Variants in MACROD2 observed in about 807,000 individuals in gnomAD.
MACROD2 encodes ADP-ribose glycohydrolase MACROD2.
MACROD2 carries 36 observed loss-of-function variants against 70.4 expected under a neutral mutation model. That is an observed-to-expected ratio of 0.51 (90% CI 0.39 to 0.68). The LOEUF is 0.68. MACROD2 is among the 30% of genes least tolerant of loss of function. MACROD2 has a pLI of 0.00. For synonymous variants in MACROD2, 172 were observed against 178.8 expected, an observed-to-expected ratio of 0.96 and a Z score of 0.30; for missense variants, 496 against 538.4, an observed-to-expected ratio of 0.92 and a Z score of 0.78.
intron 5 of MACROD2, among the ~76,000 whole-genome samples, chr20:15,162,226 A>T (rs1383685134): frequency 1.3e-5 from 2 of 152,020 alleles, no homozygotes; most frequent in Non-Finnish European, 2.9e-5. Flanking sequence ...ATTGTTTTTT[A>T]AAAAGGACTA....
intron 5 of MACROD2, among the ~76,000 whole-genome samples, chr20:14,933,544 C>T (rs1281015701): frequency 2.6e-5 from 4 of 151,650 alleles, no homozygotes; most frequent in East Asian, 1.9e-4. Context: ...ATGGGAAGAT[C>T]GCTTGAGGCC....
chr20:14,801,286 T>C (rs2072572541), intron 5 of MACROD2, among the ~76,000 whole-genome samples: 1 of 152,102 alleles, frequency 6.6e-6, no homozygotes, highest in South Asian at 2.1e-4. Context: ...ACAGAAAAGC[T>C]ACTCTGTGTC....
chr20:15,504,159 G>T (rs1222260542), intron 8 of MACROD2, among the ~76,000 whole-genome samples: 1 of 152,062 alleles, frequency 6.6e-6, no homozygotes, highest in East Asian at 1.9e-4. Flanking sequence ...ACCCAGAGAG[G>T]TCTGACTAGA....
At chr20:15,550,174 A>G (rs1159301931) in intron 8 of MACROD2, among the ~76,000 whole-genome samples, 1 of 151,670 alleles carries the variant, frequency 6.6e-6, no homozygotes, top group East Asian at 1.9e-4. Flanking sequence ...AAGTTTCTCC[A>G]TCTATTTTGG....
At chr20:15,385,800 A>C (rs550144992) in intron 6 of MACROD2, among the ~76,000 whole-genome samples, 2 of 152,292 alleles carry the variant, frequency 1.3e-5, no homozygotes, top group African/African-American at 4.8e-5. Flanking sequence ...GAATCTATTT[A>C]ATCCTAAAAT....
intron 8 of MACROD2, among the ~76,000 whole-genome samples, chr20:15,717,628 G>A (rs1029800080): frequency 3.9e-5 from 6 of 152,188 alleles, no homozygotes; most frequent in African/African-American, 1.4e-4. Context: ...AGGAGTGCCT[G>A]CCAGGAAGAA....
chr20:15,792,925 G>T (rs750958066), intron 8 of MACROD2, among the ~76,000 whole-genome samples: 1 of 152,100 alleles, frequency 6.6e-6, no homozygotes, highest in African/African-American at 2.4e-5. Context: ...AACGGACCTG[G>T]CTGAACCATT....
rs1408581180 is a variant in MACROD2 at position 14,468,368 on chromosome 20, CCTT to C, written c.272-25107_272-25105del. On this transcript the variant is annotated intron_variant, in intron 3 of 17. Transcript: ENST00000684519. Reference sequence around the variant, plus strand: ...TGATTCCTTTACCATTATGTAATGCCCTTCTTTTTATTTTCTGATCTTTCTTCG... The same window carrying C: ...TGATTCCTTTACCATTATGTAATGCCCTTTTTATTTTCTGATCTTTCTTCG... Among the ~76,000 whole-genome samples the C allele has an allele frequency of 6.6e-5, 10 of 150,772 alleles. No homozygotes were observed. In the East Asian group the frequency reaches 1.9e-3, roughly 29 times the overall value.
chr20:14,070,106 G>C (rs2053818278), intron 2 of MACROD2, among the ~76,000 whole-genome samples: 1 of 152,086 alleles, frequency 6.6e-6, no homozygotes, highest in African/African-American at 2.4e-5. Context: ...AAAGGATGTT[G>C]TTTTAAGCCA....
In MACROD2 at chr20:14,348,274, A is replaced by AT. The variant is rs200603330; in HGVS notation, c.272-145205_272-145204insT. 8.5e-4 allele frequency among the ~76,000 whole-genome samples: 115 copies of AT among 135,832 alleles called. 1 individual carries two copies. The highest frequency in any genetic ancestry group is 3.0e-3 in the African/African-American group (106 of 35,676). The allele number at this position is 135,832 out of a possible 152,430, so 89.1% of individuals were successfully genotyped here. On this transcript the variant is annotated intron_variant, in intron 3 of 17. Coordinates refer to ENST00000684519, the MANE Select transcript of MACROD2 (RefSeq NM_001351661.2). Reference sequence around the variant, plus strand: ...TCAGAGCAAGACTCCGTCTCAAAAAAAAAAAAATAAATAAAATAAAGAAAG... The same window carrying AT: ...TCAGAGCAAGACTCCGTCTCAAAAAATAAAAAAATAAATAAAATAAAGAAAG...
intron 5 of MACROD2, among the ~76,000 whole-genome samples, chr20:15,160,288 A>G (rs188288604): frequency 1.6e-4 from 25 of 152,174 alleles, no homozygotes; most frequent in Admixed American, 1.4e-3. Flanking sequence ...TGTAAGAGAG[A>G]TTCTGGAACA....
At chr20:15,747,374 C>G (rs1465472048) in intron 8 of MACROD2, among the ~76,000 whole-genome samples, 1 of 152,096 alleles carries the variant, frequency 6.6e-6, no homozygotes, top group African/African-American at 2.4e-5. Context: ...TGAGGCCTCT[C>G]AGGTAAACGT....
chr20:15,643,203 G>A (rs189992893), intron 8 of MACROD2, among the ~76,000 whole-genome samples: 1 of 152,250 alleles, frequency 6.6e-6, no homozygotes, highest in East Asian at 1.9e-4. Flanking sequence ...CTGCTTACAT[G>A]TTAATCTCAC....
At chr20:15,161,375 A>G (rs943683023) in intron 5 of MACROD2, among the ~76,000 whole-genome samples, 6 of 149,720 alleles carry the variant, frequency 4.0e-5, no homozygotes, top group Admixed American at 2.0e-4. Context: ...AATAACATAT[A>G]ATAATGTAAT....
chr20:15,363,196 A>G (rs1044063184), intron 6 of MACROD2, among the ~76,000 whole-genome samples: 3 of 152,164 alleles, frequency 2.0e-5, no homozygotes, highest in Non-Finnish European at 2.9e-5. Context: ...TTCCCACAGG[A>G]TTCAGATGCA....
intron 2 of MACROD2, among the ~76,000 whole-genome samples, chr20:14,021,625 C>T (rs2053082500): frequency 6.6e-6 from 1 of 152,152 alleles, no homozygotes; most frequent in African/African-American, 2.4e-5. Context: ...TCAGAGCTTC[C>T]TATTTCACTA....
At chr20:15,726,984 T>C (rs1037770619) in intron 8 of MACROD2, among the ~76,000 whole-genome samples, 12 of 152,312 alleles carry the variant, frequency 7.9e-5, no homozygotes, top group Admixed American at 7.8e-4. Context: ...TTTTGGCATC[T>C]TTGTCATGAA....
intron 5 of MACROD2, among the ~76,000 whole-genome samples, chr20:14,750,212 A>T (rs2071851926): frequency 6.6e-6 from 1 of 152,092 alleles, no homozygotes; most frequent in Non-Finnish European, 1.5e-5. Context: ...CAAAATTATT[A>T]TGTGTATTTT....
At chr20:14,706,481 C>T (rs2123651165) in intron 5 of MACROD2, among the ~76,000 whole-genome samples, 1 of 152,210 alleles carries the variant, frequency 6.6e-6, no homozygotes, top group East Asian at 1.9e-4. Context: ...TCCAAGACTT[C>T]AGTACCTGAG....
Sources: allele counts gnomAD v4.1 joint callset (sites outside exome capture counted in the v4.1 genomes callset), GRCh38; gene constraint gnomAD v4.1.1; transcripts MANE v1.5; gene names NCBI Gene and HGNC (gene_info 2026-07-23, HGNC 2026-07-21).